TBC1D10A: variants seen among roughly 807,000 people sequenced by gnomAD.
TBC1D10A encodes EBP50-PDX interactor of 64 kDa.
Under a neutral mutation model 52.9 loss-of-function variants are expected in TBC1D10A, and 24 were observed. The ratio of observed to expected loss-of-function variants is 0.45; its 90% CI spans 0.33 to 0.64. The LOEUF (loss-of-function observed/expected upper bound fraction) is 0.64. TBC1D10A is among the 30% of genes least tolerant of loss of function. The pLI is 0.02. For synonymous variants in TBC1D10A, 278 were observed against 282.9 expected (o/e 0.98, Z 0.17); for missense variants, 602 against 687.9 (o/e 0.88, Z 1.40).
intron 8 of TBC1D10A, 88 bp from the exon 9 acceptor site, chr22:30,292,939 G>T: frequency 2.1e-6 from 3 of 1,447,166 alleles, no homozygotes; most frequent in Non-Finnish European, 2.9e-6. Flanking sequence ...GTCTTCCTCA[G>T]CATCCCCCAG....
Position 30,293,651 on chromosome 22 carries a change from C to T in TBC1D10A, c.1050G>A (p.Glu350=). 1 of 1,607,054 alleles carries T rather than the reference C, an allele frequency of 6.2e-7. No homozygotes were observed. The highest frequency in any genetic ancestry group is 8.5e-7 in the Non-Finnish European group (1 of 1,175,020). Residue 350 remains glutamate, a splice_region_variant and synonymous_variant, in exon 8 of 9, where the codon GAG becomes GAA. Transcript: ENST00000215790. ...GATAAGGGGCAGGCATGGGCTGTACCTCCTGGACCAGAAAGGCCTCCTGCA... is the reference window on the plus strand; with the variant it reads ...GATAAGGGGCAGGCATGGGCTGTACTTCCTGGACCAGAAAGGCCTCCTGCA... The part of the protein sequence containing the change: ...KIMQEAFLVQ[E]VVELPVTERQ...
At chr22:30,318,948 C>T in intron 1 of TBC1D10A, 1 of 335,634 alleles carries the variant, frequency 3.0e-6, no homozygotes, top group Non-Finnish European at 5.9e-6. Flanking sequence ...CAAGAGGCCT[C>T]AGCCTGACAT....
intron 1 of TBC1D10A, among the ~76,000 whole-genome samples, chr22:30,321,435 G>A (rs1365771210): frequency 6.6e-6 from 1 of 152,238 alleles, no homozygotes; most frequent in Non-Finnish European, 1.5e-5. Context: ...AATCTGGCCT[G>A]CCAGGAGGGC....
intron 1 of TBC1D10A, among the ~76,000 whole-genome samples, chr22:30,313,690 C>T (rs1930477185): frequency 6.7e-6 from 1 of 150,212 alleles, no homozygotes; most frequent in Non-Finnish European, 1.5e-5. Flanking sequence ...CGTGAGCCAC[C>T]GTGCCTGGCC....
intron 1 of TBC1D10A, chr22:30,318,514 G>C: frequency 2.3e-6 from 1 of 428,406 alleles, no homozygotes; most frequent in South Asian, 1.7e-5. Context: ...GGGGAGCCCA[G>C]AGCTGTGACA....
chr22:30,323,271 A>G (rs1053998613), intron 1 of TBC1D10A, among the ~76,000 whole-genome samples: 3 of 152,192 alleles, frequency 2.0e-5, no homozygotes, highest in Non-Finnish European at 4.4e-5. Flanking sequence ...CGCAGGCCTG[A>G]GGAGAAAAAG....
chr22:30,320,839 G>T (rs1930636512), intron 1 of TBC1D10A, among the ~76,000 whole-genome samples: 4 of 152,332 alleles, frequency 2.6e-5, no homozygotes, highest in Non-Finnish European at 5.9e-5. Context: ...TAACCATTCT[G>T]CAGGTGAGAA....
chr22:30,292,260 C>G lies in TBC1D10A; in HGVS notation c.*115G>C, dbSNP rs1929958666. 1.1e-6 allele frequency: 1 copy of G among 936,810 alleles called. No homozygotes were observed. The highest frequency in any genetic ancestry group is 1.6e-6 in the Non-Finnish European group (1 of 632,376). The allele number at this position is 936,810 out of a possible 1,614,324, so 58.0% of individuals were successfully genotyped here. A position where few individuals can be genotyped will look rare whatever the true frequency, so the allele number is the denominator to read the frequency against. On this transcript the variant is annotated 3_prime_UTR_variant, in exon 9 of 9. Transcript: ENST00000215790. ...CTGTGTTGGACCAGCCAGACTCCAG[C>G]CCAGCCCAGTGGCCAGGCAGCTTGG...
Position 30,297,504 on chromosome 22 carries a change from G to A in TBC1D10A, c.418-1661C>T, listed in dbSNP as rs757979097. 1 of 152,298 alleles carries A rather than the reference G, an allele frequency of 6.6e-6. No homozygotes were observed. Among genetic ancestry groups the A allele is most frequent in the African/African-American group, 2.4e-5 (1 of 41,436 alleles). The allele number at this position is 152,298 out of a possible 1,614,324, so 9.4% of individuals were successfully genotyped here. A position where few individuals can be genotyped will look rare whatever the true frequency, so the allele number is the denominator to read the frequency against. On this transcript the variant is annotated intron_variant, in intron 3 of 8. Transcript: ENST00000215790. This position sits in a 1 kb window ranked among gnomAD's most constrained non-coding sequence, Gnocchi z 4.3. The stretch of plus-strand genomic sequence containing the variant: ...ACATGGTTGGTGAGAAAGGAAAAGA[G>A]GGTAGCTGCAGATCGAAAGGGCACC...
intron 1 of TBC1D10A, among the ~76,000 whole-genome samples, chr22:30,323,835 T>C (rs1206241702): frequency 6.6e-6 from 1 of 152,148 alleles, no homozygotes; most frequent in African/African-American, 2.4e-5. Flanking sequence ...GGTGTGGTGA[T>C]GGGTGCAATC....
rs1290288228 is a variant in TBC1D10A, at chr22:30,294,034, C to A, written c.782G>T (p.Ser261Ile). The A allele has an allele frequency of 6.2e-7, 1 of 1,614,130 alleles. No homozygotes were observed. The highest frequency in any genetic ancestry group is 2.2e-5 in the East Asian group (1 of 44,856). The change falls in exon 7 of 9, where the codon AGC becomes ATC. Residue 261 changes from serine to isoleucine, a missense_variant. Ser to Ile is a moderately radical substitution (Grantham distance 142, BLOSUM62 -2). Transcript: ENST00000215790. ...GAGGAGCGGGTCGATCTTCTGACGG[C>A]TGAGGTGCTTGTGGGCCACCGGCGA... ...KVSPVAHKHLSRQKIDPLLYM... is the reference protein window; with the variant it reads ...KVSPVAHKHLIRQKIDPLLYM...
At chr22:30,321,432 C>A (rs889738778) in intron 1 of TBC1D10A, among the ~76,000 whole-genome samples, 2 of 152,250 alleles carry the variant, frequency 1.3e-5, no homozygotes, top group Non-Finnish European at 2.9e-5. Flanking sequence ...CAGAATCTGG[C>A]CTGCCAGGAG....
chr22:30,320,299 C>T (rs1448133203), intron 1 of TBC1D10A, among the ~76,000 whole-genome samples: 5 of 152,068 alleles, frequency 3.3e-5, no homozygotes, highest in Non-Finnish European at 7.4e-5. Flanking sequence ...CTTTCTCCTG[C>T]TTGATGGCCA....
intron 1 of TBC1D10A, 101 bp from the exon 2 acceptor site, chr22:30,304,731 C>A: frequency 6.6e-7 from 1 of 1,513,800 alleles, no homozygotes; most frequent in South Asian, 1.3e-5. Context: ...TTCTTCCTGC[C>A]TACCATCCCT....
chr22:30,299,735 G>A, intron 2 of TBC1D10A, 184 bp from the exon 3 acceptor site: 1 of 496,814 alleles, frequency 2.0e-6, no homozygotes, highest in South Asian at 2.2e-5. Context: ...GGGAGGCCGA[G>A]GCGGGTGGAT....
At chr22:30,310,368 T>A (rs866785492) in intron 1 of TBC1D10A, among the ~76,000 whole-genome samples, 1 of 152,210 alleles carries the variant, frequency 6.6e-6, no homozygotes, top group Admixed American at 6.5e-5. Flanking sequence ...CTGGTCCCCA[T>A]ACACAGGCCT....
At chr22:30,294,717 A>G in intron 6 of TBC1D10A, 79 bp downstream of exon 6, 1 of 1,589,440 alleles carries the variant, frequency 6.3e-7, no homozygotes, top group Non-Finnish European at 8.6e-7. Context: ...CCTGGGCAGG[A>G]GTTACTATGA....
At chr22:30,317,749 C>G (rs113276046) in intron 1 of TBC1D10A, among the ~76,000 whole-genome samples, 2 of 152,194 alleles carry the variant, frequency 1.3e-5, no homozygotes, top group East Asian at 1.9e-4. Flanking sequence ...ACTACCGGCA[C>G]GTGCCACCAT....
intron 2 of TBC1D10A, among the ~76,000 whole-genome samples, chr22:30,302,533 TGACCAGAGG>T (rs1374267572): frequency 6.6e-6 from 1 of 152,112 alleles, no homozygotes; most frequent in Non-Finnish European, 1.5e-5. Context: ...CACGACTTCC[TGACCAGAGG>T]GAGAACTCAA....
Sources: gnomAD v4.1 joint callset for allele counts (sites outside exome capture counted in the v4.1 genomes callset) on GRCh38, gnomAD v4.1.1 for gene constraint, Gnocchi (gnomAD v3.1) non-coding constraint, MANE v1.5 for transcripts, NCBI Gene and HGNC (gene_info 2026-07-23, HGNC 2026-07-21) for gene names.